The following EIPR1 variants were observed in gnomAD, a reference collection of about 807,000 sequenced individuals.
The protein encoded by EIPR1 is EARP complex and GARP complex interacting protein 1.
A neutral mutation model predicts 48.1 loss-of-function variants in EIPR1; 25 were observed. That is an observed-to-expected ratio of 0.52 (90% CI 0.38 to 0.73). The LOEUF (loss-of-function observed/expected upper bound fraction) is 0.73, where lower values mean the gene tolerates loss of function less well. EIPR1 is among the 30% of genes least tolerant of loss of function. EIPR1 has a pLI of 0.00. For missense variants in EIPR1, 415 were observed against 506.2 expected (o/e 0.82, Z 1.73); for synonymous variants, 204 against 201.9 (o/e 1.01, Z -0.09).
At chr2:3,195,536 A>G (rs1238831563) in intron 6 of EIPR1, among the ~76,000 whole-genome samples, 1 of 152,182 alleles carries the variant, frequency 6.6e-6, no homozygotes, top group Non-Finnish European at 1.5e-5. Flanking sequence ...CAATATCTTA[A>G]TATTTCTTCC....
chr2:3,275,215 C>A (rs1179828488), intron 3 of EIPR1, among the ~76,000 whole-genome samples: 2 of 150,028 alleles, frequency 1.3e-5, no homozygotes, highest in Non-Finnish European at 2.9e-5. Context: ...ACAGAAAACA[C>A]CACACCAAGC....
chr2:3,337,271 G>A (rs1212365452), intron 3 of EIPR1, among the ~76,000 whole-genome samples: 2 of 152,190 alleles, frequency 1.3e-5, no homozygotes, highest in Non-Finnish European at 2.9e-5. Context: ...TGAAGCCAGG[G>A]TATGAGAGAG....
chr2:3,354,624 A>C lies in EIPR1; in HGVS notation c.52T>G (p.Leu18Val). ...IYGLEFQARALTPQTAETDAI... is the reference protein window; with the variant it reads ...IYGLEFQARAVTPQTAETDAI... ...TCTGTTTCTGCAGTTTGAGGTGTTA[A>C]GGCACGTGCCTGCAGGAGGGAAGAA... Residue 18 changes from leucine (L) to valine (V), a missense_variant, in exon 2 of 9, where the codon TTA becomes GTA. Leu to Val is a conservative substitution (Grantham distance 32). Transcript: ENST00000382125. The C allele has an allele frequency of 1.2e-6, 2 of 1,614,122 alleles. No individual in the cohort carries two copies. The highest frequency in any genetic ancestry group is 2.2e-5 in the South Asian group (2 of 91,078).
intron 3 of EIPR1, among the ~76,000 whole-genome samples, chr2:3,296,941 C>T (rs1668619802): frequency 6.6e-6 from 1 of 152,226 alleles, no homozygotes; most frequent in Admixed American, 6.5e-5. Context: ...GACTTGTTTC[C>T]TTAGGGGTTT....
chr2:3,321,805 A>T (rs559123086), intron 3 of EIPR1, among the ~76,000 whole-genome samples: 1 of 152,306 alleles, frequency 6.6e-6, no homozygotes, highest in East Asian at 1.9e-4. Context: ...TCTACAGCTT[A>T]AAAAGCACGT....
intron 4 of EIPR1, among the ~76,000 whole-genome samples, chr2:3,233,643 C>T (rs1203984304): frequency 1.3e-5 from 2 of 152,162 alleles, no homozygotes; most frequent in African/African-American, 2.4e-5. Context: ...TTTGTCCACC[C>T]GTCAAGTGTG....
intron 3 of EIPR1, among the ~76,000 whole-genome samples, chr2:3,298,804 A>AC (rs915845805): frequency 1.7e-4 from 26 of 151,994 alleles, no homozygotes; most frequent in African/African-American, 5.3e-4. Flanking sequence ...CAGAAGACTC[A>AC]CCCCCCATAA....
chr2:3,240,514 C>T (rs2103185254), intron 4 of EIPR1, among the ~76,000 whole-genome samples: 2 of 151,056 alleles, frequency 1.3e-5, no homozygotes, highest in South Asian at 4.2e-4. Flanking sequence ...GCAGATCCCT[C>T]CTAAAGCAAA....
At chr2:3,258,748 A>G (rs1226848497) in intron 3 of EIPR1, among the ~76,000 whole-genome samples, 1 of 152,210 alleles carries the variant, frequency 6.6e-6, no homozygotes, top group Non-Finnish European at 1.5e-5. Context: ...TAAGACTTCA[A>G]CCAGGATTTT....
intron 3 of EIPR1, among the ~76,000 whole-genome samples, chr2:3,281,370 T>C (rs1668006711): frequency 6.6e-6 from 1 of 152,136 alleles, no homozygotes; most frequent in Non-Finnish European, 1.5e-5. Flanking sequence ...TGAGCACTTC[T>C]CAAAAGTCAG....
intron 3 of EIPR1, among the ~76,000 whole-genome samples, chr2:3,266,383 T>C (rs891013763): frequency 9.2e-5 from 14 of 152,180 alleles, no homozygotes; most frequent in Non-Finnish European, 1.5e-5. Context: ...CTGATGCAGG[T>C]ACGCCTCGGG....
chr2:3,246,646 A>C (rs902946758), intron 4 of EIPR1, among the ~76,000 whole-genome samples: 16 of 151,976 alleles, frequency 1.1e-4, no homozygotes, highest in Non-Finnish European at 5.9e-5. Context: ...TGGACATGTC[A>C]GAGAAACACA....
chr2:3,225,842 C>T (rs1023388254), intron 4 of EIPR1, among the ~76,000 whole-genome samples: 31 of 152,218 alleles, frequency 2.0e-4, no homozygotes, highest in African/African-American at 7.2e-4. Flanking sequence ...TGTACTCTTC[C>T]TTTCTAGAAG....
At chr2:3,350,141 A>ACTAT (rs1381971760) in intron 2 of EIPR1, among the ~76,000 whole-genome samples, 1 of 151,218 alleles carries the variant, frequency 6.6e-6, no homozygotes, top group African/African-American at 2.4e-5. Flanking sequence ...AAAAAAAAAA[A>ACTAT]AAACTACCTG....
At chr2:3,329,051 C>A (rs112512628) in intron 3 of EIPR1, among the ~76,000 whole-genome samples, 2 of 107,348 alleles carry the variant, frequency 1.9e-5, no homozygotes, top group African/African-American at 7.7e-5. Context: ...CCACCCACCA[C>A]GCTCTAATGA....
At chr2:3,222,406 CAATAA>C (rs1665924804) in intron 4 of EIPR1, among the ~76,000 whole-genome samples, 2 of 152,084 alleles carry the variant, frequency 1.3e-5, no homozygotes, top group South Asian at 4.1e-4. Context: ...TCAGAGGAAG[CAATAA>C]AATGAGTTTC....
chr2:3,191,056 T>C (rs1664588210), intron 8 of EIPR1, among the ~76,000 whole-genome samples: 1 of 152,232 alleles, frequency 6.6e-6, no homozygotes, highest in South Asian at 2.1e-4. Context: ...ATCGTGCCAC[T>C]GCACACCAGC....
At chr2:3,313,525 G>A (rs1207779234) in intron 3 of EIPR1, among the ~76,000 whole-genome samples, 2 of 152,178 alleles carry the variant, frequency 1.3e-5, no homozygotes, top group South Asian at 2.1e-4. Flanking sequence ...ACTCCCACAA[G>A]TATTATTCCC....
intron 3 of EIPR1, among the ~76,000 whole-genome samples, chr2:3,326,941 A>G (rs1669715445): frequency 6.6e-6 from 1 of 152,258 alleles, no homozygotes; most frequent in Non-Finnish European, 1.5e-5. Flanking sequence ...TCAGAGGAAG[A>G]TGGTGCCAGG....
Sources: allele counts gnomAD v4.1 joint callset (sites outside exome capture counted in the v4.1 genomes callset), GRCh38; gene constraint gnomAD v4.1.1; transcripts MANE v1.5; gene names NCBI Gene and HGNC (gene_info 2026-07-23, HGNC 2026-07-21).